Variants in RELCH observed in about 807,000 individuals in gnomAD.
RELCH encodes the protein RAB11 binding and LisH domain, coiled-coil and HEAT repeat containing.
In RELCH, 41 loss-of-function variants were observed where a neutral mutation model predicts 150.3. That is an observed-to-expected ratio of 0.27 (90% CI 0.21 to 0.35). The LOEUF (loss-of-function observed/expected upper bound fraction) is 0.35, where lower values mean the gene tolerates loss of function less well. Among genes scored for constraint, RELCH ranks in the 10% least tolerant of loss-of-function variants. The pLI is 1.00. For missense variants in RELCH, 1,092 were observed against 1,467.8 expected (o/e 0.74, Z 4.18); for synonymous variants, 478 against 531.8 (o/e 0.90, Z 1.39).
At chr18:62,302,192 C>T (rs1050984081) in intron 28 of RELCH, among the ~76,000 whole-genome samples, 1 of 152,134 alleles carries the variant, frequency 6.6e-6, no homozygotes, top group Non-Finnish European at 1.5e-5. Context: ...AACATTTAAA[C>T]GGATGATGAT....
chr18:62,188,720 T>C (rs1047183615), intron 1 of RELCH, among the ~76,000 whole-genome samples: 2 of 152,202 alleles, frequency 1.3e-5, no homozygotes, highest in Non-Finnish European at 2.9e-5. Context: ...TTGCATTAGA[T>C]AGGAATTGAC....
chr18:62,263,271 G>A (rs2043369230), intron 16 of RELCH, among the ~76,000 whole-genome samples: 1 of 151,998 alleles, frequency 6.6e-6, no homozygotes, highest in Non-Finnish European at 1.5e-5. Context: ...ATTCTTAAAT[G>A]TCATCTATTG....
chr18:62,242,434 T>C (rs1018300494), intron 10 of RELCH, among the ~76,000 whole-genome samples: 3 of 152,196 alleles, frequency 2.0e-5, no homozygotes, highest in Admixed American at 6.5e-5. Context: ...CATCTTTGCT[T>C]TCAGAAGGAA....
chr18:62,205,175 T>C (rs2148269209), intron 1 of RELCH, among the ~76,000 whole-genome samples: 1 of 152,372 alleles, frequency 6.6e-6, no homozygotes, highest in South Asian at 2.1e-4. Context: ...TACTTTATCA[T>C]GCATGTCATT....
At chr18:62,285,223 C>T (rs1173515523) in intron 25 of RELCH, among the ~76,000 whole-genome samples, 4 of 152,020 alleles carry the variant, frequency 2.6e-5, no homozygotes, top group East Asian at 1.9e-4. Flanking sequence ...CTGCAACCTG[C>T]GCCTCCCTGG....
At chr18:62,217,923 A>G (rs1043904227) in intron 2 of RELCH, among the ~76,000 whole-genome samples, 5 of 151,994 alleles carry the variant, frequency 3.3e-5, no homozygotes. Context: ...TCTACAAACT[A>G]TGGAGATTGC....
intron 12 of RELCH, chr18:62,254,699 A>G (rs1258675403): frequency 6.6e-6 from 1 of 152,134 alleles, no homozygotes; most frequent in East Asian, 1.9e-4. Context: ...TAGGCATCCA[A>G]TACATTAATG....
intron 11 of RELCH, chr18:62,247,001 A>G (rs1307039009): frequency 6.6e-6 from 1 of 152,230 alleles, no homozygotes; most frequent in Non-Finnish European, 1.5e-5. Flanking sequence ...ATAAATTATC[A>G]TCATTGTCAA....
chr18:62,191,797 A>G (rs1452838736), intron 1 of RELCH, among the ~76,000 whole-genome samples: 1 of 152,106 alleles, frequency 6.6e-6, no homozygotes, highest in African/African-American at 2.4e-5. Flanking sequence ...TCTTTCATTG[A>G]TGGGCATTTG....
chr18:62,229,518 G>GTCTGTC (rs1555725659), intron 8 of RELCH, among the ~76,000 whole-genome samples: 15 of 147,748 alleles, frequency 1.0e-4, no homozygotes, highest in East Asian at 8.2e-4. Flanking sequence ...GTGTGTGTGT[G>GTCTGTC]TGTCTGTCTG....
chr18:62,227,809 C>A, intron 7 of RELCH, 120 bp downstream of exon 7: 1 of 498,150 alleles, frequency 2.0e-6, no homozygotes. Flanking sequence ...CATTTTAATA[C>A]TTCTGAAAGA....
intron 10 of RELCH, among the ~76,000 whole-genome samples, chr18:62,233,951 T>G (rs2041735392): frequency 6.6e-6 from 1 of 152,002 alleles, no homozygotes; most frequent in Non-Finnish European, 1.5e-5. Flanking sequence ...ATAACTAATT[T>G]GTGGTATGAT....
intron 2 of RELCH, among the ~76,000 whole-genome samples, chr18:62,219,306 A>C (rs1218039519): frequency 4.9e-5 from 6 of 123,306 alleles, no homozygotes; most frequent in Non-Finnish European, 8.7e-5. Flanking sequence ...TGTTTTAACC[A>C]GTTTTTTTTT....
chr18:62,278,885 A>T (rs927814592), intron 22 of RELCH, among the ~76,000 whole-genome samples: 1 of 152,136 alleles, frequency 6.6e-6, no homozygotes, highest in Admixed American at 6.6e-5. Flanking sequence ...GAAATCTAAA[A>T]CAAAGACCTA....
rs1344140598 is a variant in RELCH at position 62,255,460 on chromosome 18, A to T, written c.1878A>T (p.Ala626=). Reference sequence around the variant, plus strand: ...TGCTTGTGGCAGAATCCTGTGGAGCACTGGCACCTTACCTTCCTGTAAGAT... The same window carrying T: ...TGCTTGTGGCAGAATCCTGTGGAGCTCTGGCACCTTACCTTCCTGTAAGAT... The part of the protein sequence containing the change: ...RRLLVAESCG[A]LAPYLPKEIR... The change falls in exon 13 of 29, where the codon GCA becomes GCT. Residue 626 remains alanine, a synonymous_variant. Coordinates refer to ENST00000644646, the MANE Select transcript of RELCH (RefSeq NM_001346231.2). 3 of 1,603,212 alleles carry T rather than the reference A, an allele frequency of 1.9e-6. No individual in the cohort carries two copies. The highest frequency in any genetic ancestry group is 2.6e-6 in the Non-Finnish European group (3 of 1,176,416).
intron 1 of RELCH, among the ~76,000 whole-genome samples, chr18:62,204,112 A>G (rs1035474214): frequency 1.3e-5 from 2 of 152,170 alleles, no homozygotes; most frequent in African/African-American, 4.8e-5. Context: ...TTGATGATAT[A>G]CTGCCCTTAT....
At chr18:62,280,425 G>A (rs1250894230) in intron 23 of RELCH, 6 of 1,613,908 alleles carry the variant, frequency 3.7e-6, no homozygotes, top group Admixed American at 1.7e-5. Flanking sequence ...TTGTTACCTT[G>A]TCCAGTGATC....
chr18:62,194,723 G>A (rs1333168231), intron 1 of RELCH, among the ~76,000 whole-genome samples: 2 of 152,120 alleles, frequency 1.3e-5, no homozygotes, highest in East Asian at 3.9e-4. Flanking sequence ...TACTCAATAA[G>A]CACTTGTTGG....
Position 62,258,687 on chromosome 18 carries a change from CT to C in RELCH, c.2202+15del, listed in dbSNP as rs768879895. The stretch of plus-strand genomic sequence containing the variant: ...GAAAAACTTCTCAGGGTAAGTTCTT[CT>C]TTTGTTTATATAGTTTGTAGAAACT... On this transcript the variant is annotated intron_variant, in intron 15 of 28. Coordinates refer to ENST00000644646, the MANE Select transcript of RELCH (RefSeq NM_001346231.2). 4 of 1,557,794 alleles carry C rather than the reference CT, an allele frequency of 2.6e-6. No homozygotes were observed. The highest frequency in any genetic ancestry group is 4.6e-5 in the East Asian group (2 of 43,556).
Sources: allele counts gnomAD v4.1 joint callset (sites outside exome capture counted in the v4.1 genomes callset), GRCh38; gene constraint gnomAD v4.1.1; transcripts MANE v1.5; gene names NCBI Gene and HGNC (gene_info 2026-07-23, HGNC 2026-07-21).